The following KMT2E variants were observed in gnomAD, a reference collection of about 807,000 sequenced individuals.
KMT2E encodes the protein histone reader KMT2E.
A neutral mutation model predicts 184.6 loss-of-function variants in KMT2E; 30 were observed. The ratio of observed to expected loss-of-function variants is 0.16; its 90% confidence interval spans 0.12 to 0.22. The LOEUF is 0.22. KMT2E is among the 10% of genes least tolerant of loss of function. The pLI is 1.00. For synonymous variants in KMT2E, 815 were observed against 776.5 expected (o/e 1.05, Z -0.82); for missense variants, 2,023 against 2,237.4 (o/e 0.90, Z 1.93).
rs1453467746 is a variant in KMT2E, at chr7:105,112,099, A to G, written c.4343A>G (p.Glu1448Gly). The change falls in exon 27 of 27, where the codon GAA becomes GGA. Residue 1448 changes from glutamate to glycine, a missense_variant. Glu to Gly is a moderately conservative substitution (Grantham distance 98). Coordinates refer to ENST00000311117, the MANE Select transcript of KMT2E (RefSeq NM_182931.3). ...KLHCPPSPHL[E>G]NPPKSSTPHT... ...CACTGTCCTCCATCACCTCACCTAG[A>G]AAATCCTCCAAAGTCATCCACGCCT... is the stretch of plus-strand genomic sequence containing the variant. The G allele has an allele frequency of 2.5e-6, 4 of 1,614,156 alleles. No homozygotes were observed. The South Asian group carries it at 4.4e-5, about 18-fold the overall frequency.
intron 1 of KMT2E, among the ~76,000 whole-genome samples, chr7:105,034,083 A>C (rs1795535693): frequency 6.6e-6 from 1 of 152,176 alleles, no homozygotes; most frequent in Non-Finnish European, 1.5e-5. Context: ...CTACCTCTTA[A>C]AGGCTCCACA....
At chr7:105,074,529 A>T in intron 7 of KMT2E, 114 bp from the exon 8 acceptor site, 2 of 713,350 alleles carry the variant, frequency 2.8e-6, no homozygotes, top group Non-Finnish European at 2.1e-6. Flanking sequence ...AAGTTAAAAA[A>T]TGTGCTTATT....
At chr7:105,098,051 T>C in intron 15 of KMT2E, among the ~76,000 whole-genome samples, 1 of 152,174 alleles carries the variant, frequency 6.6e-6, no homozygotes, top group Admixed American at 6.5e-5. Context: ...GCCATACGTG[T>C]TATTTTGGAA....
chr7:105,063,937 A>G (rs905205969), intron 5 of KMT2E: 108 of 454,400 alleles, frequency 2.4e-4, no homozygotes, highest in Non-Finnish European at 4.1e-4. Flanking sequence ...TGCTTAGTCA[A>G]CTGTGATTTT....
intron 3 of KMT2E, among the ~76,000 whole-genome samples, chr7:105,053,799 C>G (rs34202980): frequency 1.3e-5 from 2 of 151,958 alleles, no homozygotes; most frequent in Non-Finnish European, 2.9e-5. Context: ...ACTCAAGCCC[C>G]GGGAGTTTGA....
intron 3 of KMT2E, among the ~76,000 whole-genome samples, chr7:105,054,457 T>G (rs1796483013): frequency 1.2e-5 from 1 of 85,830 alleles, no homozygotes; most frequent in Admixed American, 1.3e-4. Flanking sequence ...TCTGTCTGTC[T>G]GTCTATCTAT....
intron 1 of KMT2E, among the ~76,000 whole-genome samples, chr7:105,034,081 T>C (rs1369700544): frequency 6.6e-6 from 1 of 152,180 alleles, no homozygotes; most frequent in African/African-American, 2.4e-5. Context: ...CCCTACCTCT[T>C]AAAGGCTCCA....
chr7:105,080,743 G>T (rs543093104), intron 12 of KMT2E, among the ~76,000 whole-genome samples: 2 of 152,314 alleles, frequency 1.3e-5, no homozygotes, highest in Non-Finnish European at 2.9e-5. Context: ...AGGCACAGTG[G>T]CTCACACCTG....
At chr7:105,061,066 C>T (rs1428141858) in intron 3 of KMT2E, among the ~76,000 whole-genome samples, 1 of 152,126 alleles carries the variant, frequency 6.6e-6, no homozygotes, top group East Asian at 1.9e-4. Context: ...ATTAGATAAC[C>T]TCAGTTTGTA....
At position 105,114,854 on chromosome 7, in the gene KMT2E, C is replaced by CAT. The variant is rs911643006; in HGVS notation, c.*1525_*1526dup. On this transcript the variant is annotated 3_prime_UTR_variant, in exon 27 of 27. Coordinates refer to ENST00000311117, the MANE Select transcript of KMT2E (RefSeq NM_182931.3). Reference sequence around the variant, plus strand: ...ATCACAGCTTCAAATTTTAGAAGAACATATAGGCCAAGTTTGCCATCCTCA... The same window carrying CAT: ...ATCACAGCTTCAAATTTTAGAAGAACATATATAGGCCAAGTTTGCCATCCTCA... Among the ~76,000 whole-genome samples, 1 of 152,110 alleles carries CAT rather than the reference C, an allele frequency of 6.6e-6. No homozygotes were observed. The highest frequency in any genetic ancestry group is 2.4e-5 in the African/African-American group (1 of 41,426).
At chr7:105,056,781 G>C (rs1430820209) in intron 3 of KMT2E, among the ~76,000 whole-genome samples, 2 of 152,158 alleles carry the variant, frequency 1.3e-5, no homozygotes, top group South Asian at 2.1e-4. Context: ...TAATGTATCT[G>C]TGTAAGGCAT....
At chr7:105,057,937 A>G (rs949906436) in intron 3 of KMT2E, among the ~76,000 whole-genome samples, 3 of 152,146 alleles carry the variant, frequency 2.0e-5, no homozygotes, top group African/African-American at 4.8e-5. Context: ...TCTTTTTGTG[A>G]TGTGTTCAAA....
In KMT2E at chr7:105,051,869, A is replaced by G. The variant is rs372318354; in HGVS notation, c.72-10295A>G. Reference sequence around the variant, plus strand: ...TTCACAAAGTGCTGGGATTATAGGCATGAACCGCCGCGCCTGGCCAAAAGT... The same window carrying G: ...TTCACAAAGTGCTGGGATTATAGGCGTGAACCGCCGCGCCTGGCCAAAAGT... On this transcript the variant is annotated intron_variant, in intron 3 of 26. Coordinates refer to ENST00000311117, the MANE Select transcript of KMT2E (RefSeq NM_182931.3). 1.2e-4 allele frequency among the ~76,000 whole-genome samples: 19 copies of G among 152,306 alleles called. No individual in the cohort carries two copies. In the East Asian group the frequency reaches 3.3e-3, roughly 26 times the overall value.
intron 3 of KMT2E, among the ~76,000 whole-genome samples, chr7:105,049,376 C>T (rs1202083820): frequency 6.6e-6 from 1 of 151,568 alleles, no homozygotes; most frequent in Non-Finnish European, 1.5e-5. Context: ...CCTGGGAGGT[C>T]TAGGCTGCAG....
At chr7:105,098,188 G>T (rs1267270363) in intron 15 of KMT2E, among the ~76,000 whole-genome samples, 2 of 151,386 alleles carry the variant, frequency 1.3e-5, no homozygotes, top group South Asian at 4.2e-4. Flanking sequence ...CAAGACCAAA[G>T]AAGAATAGGG....
chr7:105,088,251 A>T (rs1251958240), intron 13 of KMT2E, among the ~76,000 whole-genome samples: 1 of 152,118 alleles, frequency 6.6e-6, no homozygotes, highest in Non-Finnish European at 1.5e-5. Context: ...AATAATACTC[A>T]CCTAAAGTGC....
rs929928394 is a variant in KMT2E, at chr7:105,113,854, C to T, written c.*521C>T. The T allele has an allele frequency of 1.3e-5, 2 of 155,248 alleles. No individual in the cohort carries two copies. The highest frequency in any genetic ancestry group is 4.8e-5 in the African/African-American group (2 of 41,504). The allele number at this position is 155,248 out of a possible 1,614,324, so 9.6% of individuals were successfully genotyped here. A position where few individuals can be genotyped will look rare whatever the true frequency, so the allele number is the denominator to read the frequency against. ...ATGTATAGATGATTTCTAATGTCTC[C>T]TGACAAACTGTAAATACTGCATTTC... On this transcript the variant is annotated 3_prime_UTR_variant, in exon 27 of 27. Transcript: ENST00000311117.
At chr7:105,081,082 A>G (rs1797745224) in intron 12 of KMT2E, among the ~76,000 whole-genome samples, 1 of 151,604 alleles carries the variant, frequency 6.6e-6, no homozygotes, top group Admixed American at 6.6e-5. Context: ...CTAAAAGGTG[A>G]AAAAAAAGAA....
At chr7:105,110,455 G>A (rs1237387816) in intron 24 of KMT2E, 22 bp from the exon 25 acceptor site, 2 of 1,613,954 alleles carry the variant, frequency 1.2e-6, no homozygotes, top group African/African-American at 1.3e-5. Flanking sequence ...TTCTCTTTGG[G>A]TCTGCTCTGC....
Sources: gnomAD v4.1 joint callset for allele counts (sites outside exome capture counted in the v4.1 genomes callset) on GRCh38, gnomAD v4.1.1 for gene constraint, MANE v1.5 for transcripts, NCBI Gene and HGNC (gene_info 2026-07-23, HGNC 2026-07-21) for gene names.